NRXN3: variants seen among roughly 807,000 people sequenced by gnomAD.
NRXN3 encodes the protein neurexin III.
Under a neutral mutation model 137.6 loss-of-function variants are expected in NRXN3, and 32 were observed. The ratio of observed to expected loss-of-function variants is 0.23; its 90% confidence interval spans 0.18 to 0.31. NRXN3 has a LOEUF of 0.31. NRXN3 is among the 10% of genes least tolerant of loss of function. The pLI, the probability that NRXN3 is intolerant of heterozygous loss-of-function variation, is 1.00. For missense variants in NRXN3, 1,574 were observed against 2,062.5 expected (o/e 0.76, Z 4.59); for synonymous variants, 798 against 784.5 (o/e 1.02, Z -0.29).
intron 4 of NRXN3, among the ~76,000 whole-genome samples, chr14:78,481,679 G>A (rs2153740480): frequency 6.6e-6 from 1 of 152,290 alleles, no homozygotes; most frequent in South Asian, 2.1e-4. Context: ...GAAAGAGCTA[G>A]CAATCTTCAA....
At chr14:79,082,285 T>G (rs1273234434) in intron 15 of NRXN3, among the ~76,000 whole-genome samples, 1 of 152,094 alleles carries the variant, frequency 6.6e-6, no homozygotes, top group Admixed American at 6.6e-5. Flanking sequence ...ACACACCTCA[T>G]CAGATGGAAG....
intron 5 of NRXN3, among the ~76,000 whole-genome samples, chr14:78,650,317 G>T (rs1019674433): frequency 2.0e-5 from 3 of 152,020 alleles, no homozygotes; most frequent in Non-Finnish European, 4.4e-5. Context: ...GGGTGTATCG[G>T]TGTATGGTGT....
intron 19 of NRXN3, among the ~76,000 whole-genome samples, chr14:79,773,077 G>T (rs890679761): frequency 6.6e-6 from 1 of 152,086 alleles, no homozygotes; most frequent in African/African-American, 2.4e-5. Flanking sequence ...ACCACAATGA[G>T]ATACCATCTC....
chr14:79,290,847 C>T (rs2083068706), intron 15 of NRXN3, among the ~76,000 whole-genome samples: 1 of 152,108 alleles, frequency 6.6e-6, no homozygotes, highest in Non-Finnish European at 1.5e-5. Context: ...GCTTTGAAAC[C>T]CTGGTTTTAA....
At chr14:79,100,735 G>T (rs569489458) in intron 15 of NRXN3, among the ~76,000 whole-genome samples, 2 of 152,160 alleles carry the variant, frequency 1.3e-5, no homozygotes, top group Non-Finnish European at 2.9e-5. Flanking sequence ...GGCAAACAAG[G>T]CATGAAATAC....
chr14:78,769,666 G>A (rs2098720403), intron 8 of NRXN3, among the ~76,000 whole-genome samples: 1 of 152,212 alleles, frequency 6.6e-6, no homozygotes, highest in Admixed American at 6.5e-5. Context: ...CTCTGACGAG[G>A]ATCGAGAAAG....
chr14:78,709,544 C>G lies in NRXN3; in HGVS notation c.1549C>G (p.Leu517Val). 6 of 1,614,058 alleles carry G rather than the reference C, an allele frequency of 3.7e-6. No individual in the cohort carries two copies. The highest frequency in any genetic ancestry group is 5.1e-6 in the Non-Finnish European group (6 of 1,180,004). ...TGCCGTGGAACTCCTCGATGGCAAC[C>G]TGTACTTGCTGCTTGACATGGGCTC... ...FFAVELLDGN[L>V]YLLLDMGSGT... The change falls in exon 7 of 21, where the codon CTG becomes GTG. Residue 517 changes from leucine to valine, a missense_variant. By Grantham distance (32) the Leu-to-Val change is conservative (BLOSUM62 1). Coordinates refer to ENST00000335750, the MANE Select transcript of NRXN3 (RefSeq NM_001330195.2).
intron 8 of NRXN3, among the ~76,000 whole-genome samples, chr14:78,752,289 T>G (rs530907474): frequency 3.9e-5 from 6 of 152,138 alleles, no homozygotes; most frequent in Non-Finnish European, 8.8e-5. Flanking sequence ...TGGTGGCACA[T>G]GCCCATAGTC....
intron 15 of NRXN3, among the ~76,000 whole-genome samples, chr14:79,448,238 T>C (rs553249793): frequency 2.0e-5 from 3 of 152,282 alleles, no homozygotes; most frequent in African/African-American, 4.8e-5. Flanking sequence ...TCAGAAGACA[T>C]GGGGCATTCT....
Position 78,243,052 on chromosome 14 carries a change from C to T in NRXN3, c.-42C>T, listed in dbSNP as rs1410424383. On this transcript the variant is annotated 5_prime_UTR_variant, in exon 2 of 21. Transcript: ENST00000335750. The surrounding 1 kb of genome is among the most constrained non-coding windows in gnomAD (Gnocchi z 4.2). ...GGGAGAGATCCTCTCCGGGCTGTTCCCTGGCCTGTCTGCTCCTCCGGGCTC... is the reference window on the plus strand; with the variant it reads ...GGGAGAGATCCTCTCCGGGCTGTTCTCTGGCCTGTCTGCTCCTCCGGGCTC... 2.7e-5 allele frequency: 39 copies of T among 1,418,324 alleles called. No individual in the cohort carries two copies. Among genetic ancestry groups the T allele is most frequent in the Non-Finnish European group, 3.4e-5 (36 of 1,067,918 alleles). The allele number at this position is 1,418,324 out of a possible 1,614,324, so 87.9% of individuals were successfully genotyped here.
At chr14:78,195,523 A>G (rs547804433) in intron 1 of NRXN3, among the ~76,000 whole-genome samples, 2 of 152,332 alleles carry the variant, frequency 1.3e-5, no homozygotes, top group Admixed American at 1.3e-4. Context: ...GGAAGGAAAT[A>G]AAACAAAGTA....
chr14:78,696,569 C>T (rs746586803), intron 6 of NRXN3, among the ~76,000 whole-genome samples: 3 of 151,960 alleles, frequency 2.0e-5, no homozygotes, highest in Non-Finnish European at 2.9e-5. Context: ...TGCTTCAACT[C>T]AGAATATACT....
chr14:78,890,011 GA>G (rs1384564480), intron 10 of NRXN3, among the ~76,000 whole-genome samples: 1 of 151,960 alleles, frequency 6.6e-6, no homozygotes, highest in African/African-American at 2.4e-5. Flanking sequence ...GATATAACCA[GA>G]AAGAATGCCC....
At chr14:78,282,240 T>C in intron 3 of NRXN3, 1 of 451,080 alleles carries the variant, frequency 2.2e-6, no homozygotes, top group Admixed American at 2.4e-5. Flanking sequence ...CTGCCCTGCC[T>C]TTAACCTTCC....
At chr14:78,394,407 A>T (rs376270330) in intron 4 of NRXN3, among the ~76,000 whole-genome samples, 7 of 151,944 alleles carry the variant, frequency 4.6e-5, no homozygotes, top group African/African-American at 1.7e-4. Context: ...AACAACTTGC[A>T]TCCTTGGAGT....
At chr14:78,975,452 G>A (rs1387888053) in intron 14 of NRXN3, among the ~76,000 whole-genome samples, 1 of 152,218 alleles carries the variant, frequency 6.6e-6, no homozygotes, top group African/African-American at 2.4e-5. Context: ...CACATGAAAT[G>A]GGAGTGGTAG....
chr14:78,623,213 A>G (rs149578812), intron 4 of NRXN3, among the ~76,000 whole-genome samples: 59 of 152,308 alleles, frequency 3.9e-4, no homozygotes, highest in Middle Eastern at 3.4e-3. Flanking sequence ...CCTCCCTCTC[A>G]GGCTACAGAA....
At chr14:78,750,244 A>G (rs1013320378) in intron 8 of NRXN3, among the ~76,000 whole-genome samples, 4 of 152,244 alleles carry the variant, frequency 2.6e-5, no homozygotes, top group Non-Finnish European at 4.4e-5. Flanking sequence ...TAGCCCATGA[A>G]GTTTCTTGAC....
At chr14:78,573,157 T>C (rs113549317) in intron 4 of NRXN3, among the ~76,000 whole-genome samples, 4,225 of 152,232 alleles carry the variant, frequency 0.028, 67 homozygotes, top group African/African-American at 0.032. Context: ...TTTCCTGAGG[T>C]CTCACCAGCC....
Sources: gnomAD v4.1 joint callset for allele counts (sites outside exome capture counted in the v4.1 genomes callset) on GRCh38, gnomAD v4.1.1 for gene constraint, Gnocchi (gnomAD v3.1) non-coding constraint, MANE v1.5 for transcripts, NCBI Gene and HGNC (gene_info 2026-07-23, HGNC 2026-07-21) for gene names.